Variants in UBP1 observed in about 807,000 individuals in gnomAD.
The protein encoded by UBP1 is upstream-binding protein 1.
UBP1 carries 22 observed loss-of-function variants against 76.1 expected under a neutral mutation model. The ratio of observed to expected loss-of-function variants is 0.29; its 90% CI spans 0.21 to 0.41. The LOEUF (loss-of-function observed/expected upper bound fraction) is 0.41. Among genes scored for constraint, UBP1 ranks in the 10% least tolerant of loss-of-function variants. UBP1 has a pLI of 1.00. For missense variants in UBP1, 436 were observed against 668.1 expected, an observed-to-expected ratio of 0.65 and a Z score of 3.83; for synonymous variants, 224 against 237.1, an observed-to-expected ratio of 0.94 and a Z score of 0.51.
intron 3 of UBP1, 47 bp from the exon 4 acceptor site, chr3:33,412,874 A>G: frequency 1.6e-6 from 2 of 1,220,136 alleles, no homozygotes; most frequent in Non-Finnish European, 2.4e-6. Context: ...TGCTCCAGCT[A>G]AAATGCAGGA....
chr3:33,406,915 T>C (rs965711938), intron 8 of UBP1, among the ~76,000 whole-genome samples: 3 of 152,132 alleles, frequency 2.0e-5, no homozygotes, highest in African/African-American at 4.8e-5. Context: ...TAACCAACAG[T>C]AGTGACTATT....
rs1411438406 is a variant in UBP1, at chr3:33,390,299, G to A, written c.*32C>T. 6.3e-7 allele frequency: 1 copy of A among 1,596,650 alleles called. No individual in the cohort carries two copies. Among genetic ancestry groups the A allele is most frequent in the South Asian group, 1.1e-5 (1 of 90,240 alleles). Reference sequence around the variant, plus strand: ...CACACACTTTTAAGCGTGACTATTTGGTACTGAATACAGTTCAGTCTATAT... The same window carrying A: ...CACACACTTTTAAGCGTGACTATTTAGTACTGAATACAGTTCAGTCTATAT... On this transcript the variant is annotated 3_prime_UTR_variant, in exon 16 of 16. Coordinates refer to ENST00000283629, the MANE Select transcript of UBP1 (RefSeq NM_014517.5).
At chr3:33,437,479 A>G (rs1342673120) in intron 1 of UBP1, among the ~76,000 whole-genome samples, 1 of 152,232 alleles carries the variant, frequency 6.6e-6, no homozygotes, top group African/African-American at 2.4e-5. Context: ...CTCCCAAAAG[A>G]TGAGGAAACC....
chr3:33,392,409 G>C, intron 15 of UBP1, 154 bp downstream of exon 15: 1 of 648,376 alleles, frequency 1.5e-6, no homozygotes, highest in Non-Finnish European at 2.5e-6. Flanking sequence ...GCTAATTTCT[G>C]TTACAACCAC....
chr3:33,418,774 G>A (rs1413940401), intron 2 of UBP1, among the ~76,000 whole-genome samples: 3 of 149,902 alleles, frequency 2.0e-5, no homozygotes, highest in Non-Finnish European at 3.0e-5. Flanking sequence ...CAGAAGAATC[G>A]CTTGAACCTG....
chr3:33,400,431 G>A, intron 10 of UBP1, 149 bp from the exon 11 acceptor site: 2 of 555,594 alleles, frequency 3.6e-6, no homozygotes, highest in Non-Finnish European at 6.2e-6. Flanking sequence ...GCAGGCCCTT[G>A]TCAGAAACTT....
At chr3:33,407,324 T>C (rs943020426) in intron 8 of UBP1, among the ~76,000 whole-genome samples, 29 of 152,196 alleles carry the variant, frequency 1.9e-4, no homozygotes, top group African/African-American at 6.3e-4. Flanking sequence ...TATAATGAAT[T>C]TCTTTTATTT....
In UBP1 at chr3:33,392,569, C is replaced by A; in HGVS notation, c.1579G>T (p.Val527Leu). The change falls in exon 15 of 16, where the codon GTA becomes TTA. Residue 527 changes from valine (V) to leucine (L), a missense_variant. Val to Leu is a conservative substitution (Grantham distance 32). This residue lies in a region of UBP1 where 210 missense variants were observed against 272.8 expected (regional missense o/e 0.77). Coordinates refer to ENST00000283629, the MANE Select transcript of UBP1 (RefSeq NM_014517.5). ...ACACACACATGCAAAGTACCTTTTA[C>A]TGTGGAGAATAAAAAACAACTCTCA... Reference protein sequence around the residue: ...QDESCFLFSTVKAESSDGIHI... With the variant: ...QDESCFLFSTLKAESSDGIHI... 1 of 1,611,366 alleles carries A rather than the reference C, an allele frequency of 6.2e-7. No individual in the cohort carries two copies. The highest frequency in any genetic ancestry group is 1.7e-5 in the Admixed American group (1 of 59,690).
intron 1 of UBP1, among the ~76,000 whole-genome samples, chr3:33,436,881 C>T (rs1370439436): frequency 6.6e-6 from 1 of 152,190 alleles, no homozygotes; most frequent in Admixed American, 6.5e-5. Context: ...CTATGACCCT[C>T]AGATAATGCA....
intron 1 of UBP1, among the ~76,000 whole-genome samples, chr3:33,431,764 A>C (rs2045118208): frequency 1.3e-5 from 2 of 151,848 alleles, no homozygotes; most frequent in Non-Finnish European, 1.5e-5. Context: ...AAAACGAAAA[A>C]AGACAGCTCC....
At chr3:33,392,848 C>G in intron 14 of UBP1, 1 of 434,092 alleles carries the variant, frequency 2.3e-6, no homozygotes, top group Non-Finnish European at 4.0e-6. Flanking sequence ...ATGTGACCCA[C>G]AGGGGCACAT....
At chr3:33,424,669 C>A (rs956607354) in intron 2 of UBP1, among the ~76,000 whole-genome samples, 3 of 152,178 alleles carry the variant, frequency 2.0e-5, no homozygotes, top group Non-Finnish European at 4.4e-5. Flanking sequence ...CAAATTAATT[C>A]CTGCATTCAA....
chr3:33,419,051 C>G lies in UBP1; in HGVS notation c.266-2217G>C, dbSNP rs1437419529. ...TGAAATCATTTTTCACCTATCAGAA[C>G]AGTATAAATCCCTCAGTTTTCTGCT... is the stretch of plus-strand genomic sequence containing the variant. On this transcript the variant is annotated intron_variant, in intron 2 of 15. Coordinates refer to ENST00000283629, the MANE Select transcript of UBP1 (RefSeq NM_014517.5). Among the ~76,000 whole-genome samples, 28 of 152,076 alleles carry G rather than the reference C, an allele frequency of 1.8e-4. 1 individual carries two copies. Among genetic ancestry groups the G allele is most frequent in the Admixed American group, 1.8e-3 (28 of 15,256 alleles).
At chr3:33,392,768 C>A (rs2043820032) in intron 14 of UBP1, 154 bp from the exon 15 acceptor site, 9 of 648,174 alleles carry the variant, frequency 1.4e-5, no homozygotes, top group Non-Finnish European at 2.3e-5. Flanking sequence ...CAAAGATGCA[C>A]ACGTGCTGCA....
intron 2 of UBP1, among the ~76,000 whole-genome samples, chr3:33,423,086 G>A (rs1559688859): frequency 6.6e-6 from 1 of 150,428 alleles, no homozygotes; most frequent in African/African-American, 2.4e-5. Context: ...CTGTCACCCA[G>A]GCTGGAGTGC....
In UBP1 at chr3:33,439,590, C is replaced by T. The variant is rs2045256943; in HGVS notation, c.113+146G>A. On this transcript the variant is annotated intron_variant, in intron 1 of 15. Transcript: ENST00000283629. Reference sequence around the variant, plus strand: ...GCAGAGGCCTTTGGGGTTCCATGGCCCCCGACCGCCACGCGGCAGGACTCC... The same window carrying T: ...GCAGAGGCCTTTGGGGTTCCATGGCTCCCGACCGCCACGCGGCAGGACTCC... 13 of 853,864 alleles carry T rather than the reference C, an allele frequency of 1.5e-5. No individual in the cohort carries two copies. The East Asian group carries it at 3.9e-4, about 25-fold the overall frequency. 52.9% of individuals were successfully genotyped at this position (853,864 alleles called of 1,614,324 possible).
intron 2 of UBP1, among the ~76,000 whole-genome samples, chr3:33,425,077 T>C (rs892476848): frequency 3.9e-5 from 6 of 152,036 alleles, no homozygotes; most frequent in African/African-American, 1.4e-4. Flanking sequence ...CCCACATCTC[T>C]ATTTTCCCTC....
chr3:33,393,987 T>C (rs1000368040), intron 13 of UBP1, among the ~76,000 whole-genome samples: 6 of 152,018 alleles, frequency 3.9e-5, no homozygotes, highest in Non-Finnish European at 8.8e-5. Flanking sequence ...TCTAGCAATA[T>C]ACAAAAAGAA....
rs759759657 is a variant in UBP1, at chr3:33,390,323, A to G, written c.*8T>C. 24 of 1,613,748 alleles carry G rather than the reference A, an allele frequency of 1.5e-5. No homozygotes were observed. Among genetic ancestry groups the G allele is most frequent in the African/African-American group, 4.0e-5 (3 of 74,936 alleles). On this transcript the variant is annotated 3_prime_UTR_variant, in exon 16 of 16. Transcript: ENST00000283629. ...TGGTACTGAATACAGTTCAGTCTATATAAGACATCACTTCAAAATTATGTG... is the reference window on the plus strand; with the variant it reads ...TGGTACTGAATACAGTTCAGTCTATGTAAGACATCACTTCAAAATTATGTG...
Sources: gnomAD v4.1 joint callset for allele counts (sites outside exome capture counted in the v4.1 genomes callset) on GRCh38, gnomAD v4.1.1 for gene constraint, gnomAD v4.1.1 regional missense constraint, MANE v1.5 for transcripts, NCBI Gene and HGNC (gene_info 2026-07-23, HGNC 2026-07-21) for gene names.